THADA: variants seen among roughly 807,000 people sequenced by gnomAD.
The protein encoded by THADA is THADA armadillo repeat containing.
In THADA, 213 loss-of-function variants were observed where a neutral mutation model predicts 219.8. The ratio of observed to expected loss-of-function variants is 0.97; its 90% CI spans 0.87 to 1.09. The LOEUF (loss-of-function observed/expected upper bound fraction) is 1.09, where lower values mean the gene tolerates loss of function less well. Ranked by LOEUF, THADA falls within the 50% of genes least tolerant of loss-of-function variation. The pLI, the probability that THADA is intolerant of heterozygous loss-of-function variation, is 0.00. For synonymous variants in THADA, 1,018 were observed against 828.9 expected, an observed-to-expected ratio of 1.23 and a Z score of -3.92; for missense variants, 2,956 against 2,311.3, an observed-to-expected ratio of 1.28 and a Z score of -5.72.
intron 1 of THADA, among the ~76,000 whole-genome samples, chr2:43,595,336 T>C (rs1313894478): frequency 3.3e-5 from 5 of 152,130 alleles, no homozygotes. Flanking sequence ...ACAGAATAAT[T>C]TGTAAAGGGA....
intron 21 of THADA, among the ~76,000 whole-genome samples, chr2:43,528,885 C>T (rs1043156157): frequency 6.6e-6 from 1 of 152,006 alleles, no homozygotes; most frequent in Non-Finnish European, 1.5e-5. Context: ...TACATTCATA[C>T]TTTTGTACAA....
intron 31 of THADA, among the ~76,000 whole-genome samples, chr2:43,317,232 C>T (rs145472770): frequency 6.6e-6 from 1 of 152,298 alleles, no homozygotes; most frequent in East Asian, 1.9e-4. Flanking sequence ...TTTACATACA[C>T]ACATAAACAC....
chr2:43,244,097 T>C (rs937913350), intron 36 of THADA, among the ~76,000 whole-genome samples: 1 of 152,224 alleles, frequency 6.6e-6, no homozygotes, highest in African/African-American at 2.4e-5. Flanking sequence ...ATTTTAAAAA[T>C]GTGGGCCCAC....
chr2:43,248,322 C>T (rs762214951), intron 36 of THADA, among the ~76,000 whole-genome samples: 8 of 151,374 alleles, frequency 5.3e-5, no homozygotes, highest in African/African-American at 1.5e-4. Flanking sequence ...CTCTGCCTCT[C>T]GGGTTCAAGC....
At chr2:43,322,033 G>A (rs1232094900) in intron 30 of THADA, among the ~76,000 whole-genome samples, 1 of 151,964 alleles carries the variant, frequency 6.6e-6, no homozygotes, top group Non-Finnish European at 1.5e-5. Context: ...TGAAAAATAT[G>A]TATCAGATAC....
At chr2:43,519,183 G>C (rs1658087121) in intron 22 of THADA, among the ~76,000 whole-genome samples, 1 of 151,854 alleles carries the variant, frequency 6.6e-6, no homozygotes, top group Non-Finnish European at 1.5e-5. Flanking sequence ...TAAAATGCTA[G>C]GTTGAAAGTT....
intron 22 of THADA, among the ~76,000 whole-genome samples, chr2:43,522,335 G>T (rs1437372182): frequency 6.6e-6 from 1 of 152,114 alleles, no homozygotes; most frequent in Non-Finnish European, 1.5e-5. Context: ...GCTTACTGCA[G>T]GCTAAAACAT....
intron 25 of THADA, among the ~76,000 whole-genome samples, chr2:43,495,226 A>G (rs1450825417): frequency 6.6e-6 from 1 of 152,208 alleles, no homozygotes; most frequent in Non-Finnish European, 1.5e-5. Flanking sequence ...TTTATACAGA[A>G]GAAAATATAA....
chr2:43,269,438 C>A (rs1221457973), intron 36 of THADA, among the ~76,000 whole-genome samples: 2 of 152,224 alleles, frequency 1.3e-5, no homozygotes, highest in South Asian at 4.1e-4. Context: ...CACTGGCACT[C>A]ATAACTGGCC....
chr2:43,462,926 C>T (rs376330566), intron 26 of THADA: 1 of 152,144 alleles, frequency 6.6e-6, no homozygotes. Flanking sequence ...AGGGAAGAAG[C>T]AAATGAGAAA....
At chr2:43,364,357 T>C (rs1669881183) in intron 29 of THADA, among the ~76,000 whole-genome samples, 1 of 152,260 alleles carries the variant, frequency 6.6e-6, no homozygotes, top group Admixed American at 6.5e-5. Flanking sequence ...AAACGATTTT[T>C]CAACCCCAGC....
Position 43,467,168 on chromosome 2 carries a change from C to A in THADA, c.3836+18066G>T, listed in dbSNP as rs1030591394. Among the ~76,000 whole-genome samples the A allele has an allele frequency of 8.0e-5, 8 of 99,746 alleles. No homozygotes were observed. In the Admixed American group the frequency reaches 9.2e-4, roughly 11 times the overall value. The allele number at this position is 99,746 out of a possible 152,430, so 65.4% of individuals were successfully genotyped here. ...CTGCACTCCAGCCTGGGCGACAGAG[C>A]GAGACTCCGTCTCAAAAAAAAAAAA... On this transcript the variant is annotated intron_variant, in intron 26 of 37. Transcript: ENST00000405975.
At chr2:43,548,688 T>C (rs1181715256) in intron 20 of THADA, among the ~76,000 whole-genome samples, 1 of 151,950 alleles carries the variant, frequency 6.6e-6, no homozygotes, top group East Asian at 1.9e-4. Context: ...CGGGATATAA[T>C]CTCCTGGTGC....
rs114374381 is a variant in THADA at position 43,310,541 on chromosome 2, T to C, written c.4438+9905A>G. Among the ~76,000 whole-genome samples, 246 of 152,280 alleles carry C rather than the reference T, an allele frequency of 1.6e-3. 1 individual carries two copies. The highest frequency in any genetic ancestry group is 5.8e-3 in the African/African-American group (240 of 41,556). On this transcript the variant is annotated intron_variant, in intron 31 of 37. Transcript: ENST00000405975. Reference sequence around the variant, plus strand: ...GCTAGGACAAATGGATAGTCACATATGCCAAAGGAATGAGGCTGAATCTGT... The same window carrying C: ...GCTAGGACAAATGGATAGTCACATACGCCAAAGGAATGAGGCTGAATCTGT...
chr2:43,233,918 C>T (rs1460027802), intron 36 of THADA, among the ~76,000 whole-genome samples: 1 of 152,142 alleles, frequency 6.6e-6, no homozygotes, highest in Admixed American at 6.6e-5. Flanking sequence ...TTCTATTGAG[C>T]CCTGATCACT....
At chr2:43,244,986 G>A (rs1220017199) in intron 36 of THADA, among the ~76,000 whole-genome samples, 1 of 152,152 alleles carries the variant, frequency 6.6e-6, no homozygotes, top group African/African-American at 2.4e-5. Flanking sequence ...CAAGTGCTGG[G>A]CAACCTGAGG....
chr2:43,587,469 C>G (rs1559031867), intron 4 of THADA, among the ~76,000 whole-genome samples: 1 of 152,140 alleles, frequency 6.6e-6, no homozygotes, highest in Admixed American at 6.5e-5. Context: ...TCACTTAGCT[C>G]TAGCTACATG....
chr2:43,244,305 T>C (rs1371290647), intron 36 of THADA, among the ~76,000 whole-genome samples: 1 of 152,216 alleles, frequency 6.6e-6, no homozygotes, highest in Non-Finnish European at 1.5e-5. Context: ...AATACTTGCA[T>C]TTGTTCACTT....
intron 26 of THADA, among the ~76,000 whole-genome samples, chr2:43,461,080 G>C (rs1683587851): frequency 6.6e-6 from 1 of 152,150 alleles, no homozygotes; most frequent in Non-Finnish European, 1.5e-5. Flanking sequence ...GTAGAAAGTA[G>C]GCTGGACTGT....
Sources: allele counts gnomAD v4.1 joint callset (sites outside exome capture counted in the v4.1 genomes callset), GRCh38; gene constraint gnomAD v4.1.1; transcripts MANE v1.5; gene names NCBI Gene and HGNC (gene_info 2026-07-23, HGNC 2026-07-21).